Variants in GCNT1 observed in about 807,000 individuals in gnomAD.
GCNT1 encodes the protein beta-1,3-galactosyl-O-glycosyl-glycoprotein beta-1,6-N-acetylglucosaminyltransferase.
GCNT1 carries 16 observed loss-of-function variants against 26.2 expected under a neutral mutation model. That is an observed-to-expected ratio of 0.61 (90% CI 0.41 to 0.93). GCNT1 has a LOEUF of 0.93. Among genes scored for constraint, GCNT1 ranks in the 40% least tolerant of loss-of-function variants. The pLI, the probability that GCNT1 is intolerant of heterozygous loss-of-function variation, is 0.00. For synonymous variants in GCNT1, 183 were observed against 190.8 expected (o/e 0.96, Z 0.34); for missense variants, 477 against 526.7 (o/e 0.91, Z 0.92).
chr9:76,498,773 C>CT (rs1453147685), intron 2 of GCNT1, among the ~76,000 whole-genome samples: 1 of 39,402 alleles, frequency 2.5e-5, no homozygotes, highest in Non-Finnish European at 6.8e-5. Context: ...AATTCCAGCT[C>CT]AAAAAAAAAA....
At chr9:76,496,323 G>T (rs754016198) in intron 2 of GCNT1, among the ~76,000 whole-genome samples, 8 of 152,116 alleles carry the variant, frequency 5.3e-5, no homozygotes, top group Non-Finnish European at 1.5e-5. Context: ...ATCATTCTCC[G>T]CATCCCCCCT....
At chr9:76,404,575 T>C in the GCNT1 span, among the ~76,000 whole-genome samples, 2 of 152,214 alleles carry the variant, frequency 1.3e-5, no homozygotes, top group South Asian at 4.1e-4. Context: ...GCAGAAGTGA[T>C]ATCGTGTAAC....
chr9:76,472,674 T>A (rs917361781), intron 2 of GCNT1, among the ~76,000 whole-genome samples: 3 of 152,196 alleles, frequency 2.0e-5, no homozygotes, highest in Non-Finnish European at 4.4e-5. Flanking sequence ...CTGACTGTCT[T>A]AAGGGCTAAG....
intron 1 of GCNT1, among the ~76,000 whole-genome samples, chr9:76,446,075 G>A (rs1823573082): frequency 1.3e-5 from 2 of 152,222 alleles, no homozygotes; most frequent in South Asian, 4.1e-4. Context: ...CACATTGCTG[G>A]TGAGAATGTA....
chr9:76,434,867 G>A (rs577745845), intron 1 of GCNT1, among the ~76,000 whole-genome samples: 8 of 152,200 alleles, frequency 5.3e-5, no homozygotes, highest in African/African-American at 1.4e-4. Context: ...TGGAAGTGTG[G>A]TTGAGATAAG....
chr9:76,488,139 GTA>G, intron 2 of GCNT1, among the ~76,000 whole-genome samples: 1 of 152,280 alleles, frequency 6.6e-6, no homozygotes, highest in Admixed American at 6.5e-5. Context: ...TCCCCTGAAA[GTA>G]TATGCAGTAT....
chr9:76,450,494 T>C (rs994249637), intron 1 of GCNT1, among the ~76,000 whole-genome samples: 5 of 152,250 alleles, frequency 3.3e-5, no homozygotes, highest in Non-Finnish European at 7.3e-5. Flanking sequence ...TCCAAATGCC[T>C]TCTAGAAAGT....
Position 76,503,388 on chromosome 9 carries a change from TC to T in GCNT1, c.1010del (p.Pro337LeufsTer52). ...IQRIPEVPGS[L>X]PASHKYDLSD... ...AGGATTCCTGAAGTCCCGGGCTCAC[TC>T]CCTGCCAGCCATAAGTATGATCTGT... is the stretch of plus-strand genomic sequence containing the variant. On this transcript the variant is annotated frameshift_variant, in exon 4 of 4. Coordinates refer to ENST00000376730, the MANE Select transcript of GCNT1 (RefSeq NM_001490.5). LOFTEE classifies it high-confidence loss of function. 1.2e-6 allele frequency: 2 copies of T among 1,614,134 alleles called. No homozygotes were observed. The highest frequency in any genetic ancestry group is 1.7e-6 in the Non-Finnish European group (2 of 1,180,010).
chr9:76,414,829 C>T, the GCNT1 span, among the ~76,000 whole-genome samples: 150 of 152,230 alleles, frequency 9.9e-4, no homozygotes, highest in African/African-American at 3.4e-3. Context: ...TTACCACATC[C>T]TGTTTCATCA....
chr9:76,429,914 C>G (rs1823312132), intron 1 of GCNT1, among the ~76,000 whole-genome samples: 1 of 152,044 alleles, frequency 6.6e-6, no homozygotes, highest in African/African-American at 2.4e-5. Flanking sequence ...TGGGGTTTCA[C>G]CATGTTAGCC....
chr9:76,430,564 T>G (rs1823323614), intron 1 of GCNT1, among the ~76,000 whole-genome samples: 1 of 151,982 alleles, frequency 6.6e-6, no homozygotes, highest in African/African-American at 2.4e-5. Context: ...TTTTTTTATT[T>G]TGGTAGAAAT....
At chr9:76,419,013 T>C (rs1823155661), upstream of GCNT1, among the ~76,000 whole-genome samples, 2 of 152,192 alleles carry the variant, frequency 1.3e-5, no homozygotes, top group Non-Finnish European at 2.9e-5. Flanking sequence ...TAGTGGAGGC[T>C]GGAGGGGGGT....
chr9:76,484,383 AGAG>A (rs1438803019), intron 2 of GCNT1, among the ~76,000 whole-genome samples: 1 of 151,140 alleles, frequency 6.6e-6, no homozygotes, highest in African/African-American at 2.5e-5. Context: ...AAAAAAAAAA[AGAG>A]AGAGAAAGCA....
chr9:76,454,392 A>AAAG (rs1280426480), upstream of GCNT1, among the ~76,000 whole-genome samples: 1 of 140,624 alleles, frequency 7.1e-6, no homozygotes, highest in Admixed American at 6.9e-5. Context: ...AAAAGAAAAA[A>AAAG]AAAAAAAAAA....
At chr9:76,483,892 C>A (rs1245176548) in intron 2 of GCNT1, among the ~76,000 whole-genome samples, 2 of 152,066 alleles carry the variant, frequency 1.3e-5, no homozygotes. Flanking sequence ...TTGTTCCAGG[C>A]TGATCTGGAA....
chr9:76,460,882 A>G (rs1446627026), intron 2 of GCNT1, among the ~76,000 whole-genome samples: 1 of 152,178 alleles, frequency 6.6e-6, no homozygotes, highest in Non-Finnish European at 1.5e-5. Flanking sequence ...CTTGGCCCCA[A>G]GTTTGTACTA....
chr9:76,404,523 A>G, the GCNT1 span, among the ~76,000 whole-genome samples: 616 of 152,312 alleles, frequency 4.0e-3, 6 homozygotes, highest in South Asian at 8.1e-3. Flanking sequence ...TCCTCTCCCC[A>G]CTAAAACTGA....
chr9:76,429,247 A>G (rs1416537223), intron 1 of GCNT1, among the ~76,000 whole-genome samples: 4 of 152,132 alleles, frequency 2.6e-5, no homozygotes, highest in African/African-American at 9.7e-5. Flanking sequence ...TTCCTATAGC[A>G]TGCACAAGGT....
chr9:76,499,630 T>C (rs1270803022), intron 2 of GCNT1, among the ~76,000 whole-genome samples: 2 of 152,224 alleles, frequency 1.3e-5, no homozygotes, highest in African/African-American at 4.8e-5. Context: ...TTGGCGCTCA[T>C]TGAACTTCTT....
Sources: allele counts gnomAD v4.1 joint callset (sites outside exome capture counted in the v4.1 genomes callset), GRCh38; gene constraint gnomAD v4.1.1; transcripts MANE v1.5; gene names NCBI Gene and HGNC (gene_info 2026-07-23, HGNC 2026-07-21).